POU6F1: variants seen among roughly 807,000 people sequenced by gnomAD.
The protein encoded by POU6F1 is POU class 6 homeobox 1, also known as POU domain, class 6, transcription factor 1.
Under a neutral mutation model 28.9 loss-of-function variants are expected in POU6F1, and 9 were observed. That is an observed-to-expected ratio of 0.31 (90% CI 0.19 to 0.54). The LOEUF (loss-of-function observed/expected upper bound fraction) is 0.54, where lower values mean the gene tolerates loss of function less well. Ranked by LOEUF, POU6F1 falls within the 20% of genes least tolerant of loss-of-function variation. POU6F1 has a pLI of 0.94. For synonymous variants in POU6F1, 173 were observed against 171.1 expected (o/e 1.01, Z -0.09); for missense variants, 338 against 426.1 (o/e 0.79, Z 1.82).
At chr12:51,194,448 C>A (rs1942667404) in intron 8 of POU6F1, among the ~76,000 whole-genome samples, 1 of 152,050 alleles carries the variant, frequency 6.6e-6, no homozygotes, top group Non-Finnish European at 1.5e-5. Flanking sequence ...TGAGACCAGC[C>A]TGGGCAATGT....
rs1413217756 is a variant in POU6F1 at position 51,198,589 on chromosome 12, T to G, written c.553A>C (p.Thr185Pro). 2.5e-6 allele frequency: 1 copy of G among 399,032 alleles called. No homozygotes were observed. Among genetic ancestry groups the G allele is most frequent in the African/African-American group, 2.1e-5 (1 of 48,576 alleles). 24.7% of individuals were successfully genotyped at this position (399,032 alleles called of 1,614,324 possible). ...AAAGGTGGCTTGAACACTCCCCCCG[T>G]AGGAGAAGCAGCGGTCAGTCCTGGG... Reference protein sequence around the residue: ...ALPGLTAASPTGGVFKPPLAG... With the variant: ...ALPGLTAASPPGGVFKPPLAG... The change falls in exon 5 of 11, where the codon ACG becomes CCG. Residue 185 changes from threonine to proline, a missense_variant. Physicochemically the swap from Thr to Pro is conservative, Grantham distance 38. Transcript: ENST00000333640.
chr12:51,193,936 A>G (rs1942627754), intron 8 of POU6F1, among the ~76,000 whole-genome samples: 1 of 152,170 alleles, frequency 6.6e-6, no homozygotes, highest in Non-Finnish European at 1.5e-5. Context: ...CTTCATCCCC[A>G]GGGCCTTTGA....
At chr12:51,196,650 G>T in intron 7 of POU6F1, 149 bp downstream of exon 7, 1 of 941,684 alleles carries the variant, frequency 1.1e-6, no homozygotes, top group Non-Finnish European at 1.6e-6. Flanking sequence ...CCCAGCTTCA[G>T]CATCGGCAGA....
chr12:51,192,010 C>A (rs1414850814), intron 9 of POU6F1, among the ~76,000 whole-genome samples: 1 of 152,204 alleles, frequency 6.6e-6, no homozygotes, highest in Non-Finnish European at 1.5e-5. Context: ...CACCCTCCCC[C>A]ATTCTCCCTA....
chr12:51,210,427 G>C (rs750027223), intron 1 of POU6F1, among the ~76,000 whole-genome samples: 1 of 152,214 alleles, frequency 6.6e-6, no homozygotes, highest in Non-Finnish European at 1.5e-5. Context: ...AAGGTCATTA[G>C]GCGTAAGGCA....
At chr12:51,192,513 G>C in intron 8 of POU6F1, 42 bp from the exon 9 acceptor site, 1 of 1,597,476 alleles carries the variant, frequency 6.3e-7, no homozygotes, top group African/African-American at 1.3e-5. Context: ...CCCTCTGCCA[G>C]GCTCAGGGAG....
chr12:51,211,371 C>A (rs1276758815), intron 1 of POU6F1, among the ~76,000 whole-genome samples: 3 of 152,194 alleles, frequency 2.0e-5, no homozygotes, highest in Non-Finnish European at 4.4e-5. Flanking sequence ...TGAAAAACGC[C>A]TGGATCAGGG....
At chr12:51,216,722 C>T (rs1251439640) in intron 1 of POU6F1, among the ~76,000 whole-genome samples, 1 of 152,166 alleles carries the variant, frequency 6.6e-6, no homozygotes, top group African/African-American at 2.4e-5. Flanking sequence ...TGAAGACCAG[C>T]CCTCTACTTT....
chr12:51,197,243 G>A (rs1012319562), intron 6 of POU6F1, among the ~76,000 whole-genome samples: 5 of 151,474 alleles, frequency 3.3e-5, no homozygotes, highest in Admixed American at 6.6e-5. Context: ...GGGGTCTACC[G>A]GCTGGATGGT....
Position 51,192,447 on chromosome 12 carries a change from T to C in POU6F1, c.1204A>G (p.Thr402Ala). The C allele has an allele frequency of 6.2e-7, 1 of 1,613,408 alleles. No individual in the cohort carries two copies. The highest frequency in any genetic ancestry group is 8.5e-7 in the Non-Finnish European group (1 of 1,179,956). The change falls in exon 9 of 11, where the codon ACC (threonine) becomes GCC (alanine). Residue 402 changes from threonine (T) to alanine (A), a missense_variant. Physicochemically the swap from Thr to Ala is moderately conservative, Grantham distance 58. Transcript: ENST00000333640. ...SEVQPIQPTPTVPQPAVVIAS... is the reference protein window; with the variant it reads ...SEVQPIQPTPAVPQPAVVIAS... ...ATGACCACAGCAGGCTGGGGCACGG[T>C]TGGTGTGGGCTGGATGGGCTGCACC... is the stretch of plus-strand genomic sequence containing the variant.
chr12:51,203,345 A>C (rs1943353164), intron 3 of POU6F1, among the ~76,000 whole-genome samples: 1 of 152,166 alleles, frequency 6.6e-6, no homozygotes, highest in Non-Finnish European at 1.5e-5. Context: ...GCTGAATGGA[A>C]GGAGTGGCAG....
At chr12:51,215,237 G>A (rs1227644253) in intron 1 of POU6F1, among the ~76,000 whole-genome samples, 2 of 151,856 alleles carry the variant, frequency 1.3e-5, no homozygotes, top group Admixed American at 6.6e-5. Context: ...TTCCAGTACT[G>A]GGGCTACTTA....
At chr12:51,196,772 C>A (rs1302002433) in intron 7 of POU6F1, 27 bp downstream of exon 7, 5 of 1,613,020 alleles carry the variant, frequency 3.1e-6, no homozygotes, top group African/African-American at 1.3e-5. Flanking sequence ...CAGTCCCCAC[C>A]CTCCAGCCCT....
chr12:51,189,400 C>A lies in POU6F1; in HGVS notation c.*847G>T, dbSNP rs140859029. 27 of 152,244 alleles carry A rather than the reference C, an allele frequency of 1.8e-4. No homozygotes were observed. The East Asian group carries it at 5.0e-3, about 28-fold the overall frequency. 9.4% of individuals were successfully genotyped at this position (152,244 alleles called of 1,614,324 possible). A position where few individuals can be genotyped will look rare whatever the true frequency, so the allele number is the denominator to read the frequency against. The stretch of plus-strand genomic sequence containing the variant: ...CCAGTCTGCAAGTTCTCTTAACCCA[C>A]GTTTTTTTGTGGGAGGGATGGCCAT... On this transcript the variant is annotated 3_prime_UTR_variant, in exon 11 of 11. Transcript: ENST00000333640.
In POU6F1 at chr12:51,190,351, C is replaced by T. The variant is rs781017453; in HGVS notation, c.1732G>A (p.Ala578Thr). 5 of 1,614,184 alleles carry T rather than the reference C, an allele frequency of 3.1e-6. No homozygotes were observed. Among genetic ancestry groups the T allele is most frequent in the Non-Finnish European group, 4.2e-6 (5 of 1,180,034 alleles). ...TCACGGTCGTAGTTGAGCTCCTTAG[C>T]AATTTCAGTGATCTCCTGGCCTGTG... ...LPTGQEITEI[A>T]KELNYDREVV... The change falls in exon 11 of 11, where the codon GCT becomes ACT. Residue 578 changes from alanine (A) to threonine (T), a missense_variant. Physicochemically the swap from Ala to Thr is moderately conservative, Grantham distance 58. This residue lies in a region of POU6F1 where 126 missense variants were observed against 176.5 expected (regional missense o/e 0.71). Transcript: ENST00000333640. This position sits in a 1 kb window ranked among gnomAD's most constrained non-coding sequence, Gnocchi z 4.5.
At position 51,196,008 on chromosome 12, in the gene POU6F1, G is replaced by T. The variant is rs201399148; in HGVS notation, c.1141C>A (p.Arg381=). 1.3e-5 allele frequency: 20 copies of T among 1,594,456 alleles called. No individual in the cohort carries two copies. Among genetic ancestry groups the T allele is most frequent in the Non-Finnish European group, 1.6e-5 (19 of 1,176,814 alleles). ...SSPLPPPVAV[R]KPSTPESPAK... ...GGGGACTCAGGTGTGCTTGGCTTCCGGACAGCCACAGGTGGAGGCAGGGGG... is the reference window on the plus strand; with the variant it reads ...GGGGACTCAGGTGTGCTTGGCTTCCTGACAGCCACAGGTGGAGGCAGGGGG... The change falls in exon 8 of 11, where the codon CGG becomes AGG. Residue 381 remains arginine (R), a synonymous_variant. Coordinates refer to ENST00000333640, the MANE Select transcript of POU6F1 (RefSeq NM_001330422.2).
intron 3 of POU6F1, among the ~76,000 whole-genome samples, chr12:51,202,769 C>T (rs1943316159): frequency 6.6e-6 from 1 of 152,152 alleles, no homozygotes; most frequent in Non-Finnish European, 1.5e-5. Flanking sequence ...GTGCGTGACT[C>T]TATGTCAATA....
chr12:51,205,117 C>A (rs1943489028), intron 2 of POU6F1, among the ~76,000 whole-genome samples: 3 of 150,388 alleles, frequency 2.0e-5, no homozygotes, highest in African/African-American at 4.9e-5. Context: ...CGGCTCACTG[C>A]CAGCTCCACC....
chr12:51,190,171 C>T lies in POU6F1; in HGVS notation c.*76G>A, dbSNP rs754861690. On this transcript the variant is annotated 3_prime_UTR_variant, in exon 11 of 11. Transcript: ENST00000333640. The surrounding 1 kb of genome is among the most constrained non-coding windows in gnomAD (Gnocchi z 4.5). ...GCTGCACGTGGCAAAATGACAGGTG[C>T]TGTCATGGCAGTGGCTGCAGCCGGA... The T allele has an allele frequency of 9.7e-6, 15 of 1,544,606 alleles. No individual in the cohort carries two copies. The highest frequency in any genetic ancestry group is 1.9e-5 in the Admixed American group (1 of 51,848).
Sources: allele counts gnomAD v4.1 joint callset (sites outside exome capture counted in the v4.1 genomes callset), GRCh38; gene constraint gnomAD v4.1.1; regional missense constraint gnomAD v4.1.1; non-coding constraint Gnocchi (gnomAD v3.1); transcripts MANE v1.5; gene names NCBI Gene and HGNC (gene_info 2026-07-23, HGNC 2026-07-21).